SPRY4: variants seen among roughly 807,000 people sequenced by gnomAD.
SPRY4 encodes protein sprouty homolog 4.
Under a neutral mutation model 17.0 loss-of-function variants are expected in SPRY4, and 7 were observed. That is an observed-to-expected ratio of 0.41 (90% CI 0.23 to 0.77). The LOEUF is 0.77. Among genes scored for constraint, SPRY4 ranks in the 30% least tolerant of loss-of-function variants. The pLI is 0.32. For missense variants in SPRY4, 435 were observed against 419.9 expected (o/e 1.04, Z -0.31); for synonymous variants, 183 against 174.1 (o/e 1.05, Z -0.40).
chr5:142,310,533 C>A lies in SPRY4; in HGVS notation c.*3676G>T, dbSNP rs978235873. On this transcript the variant is annotated 3_prime_UTR_variant, in exon 2 of 2. Coordinates refer to ENST00000434127, the MANE Select transcript of SPRY4 (RefSeq NM_001127496.3). The stretch of plus-strand genomic sequence containing the variant: ...TTCTTCACAAACAGAAGAACTCTTA[C>A]AATAGTAGACTTTCTAAAATAAATA... 1 of 152,342 alleles carries A rather than the reference C, an allele frequency of 6.6e-6. No individual in the cohort carries two copies. Among genetic ancestry groups the A allele is most frequent in the African/African-American group, 2.4e-5 (1 of 41,318 alleles). 9.4% of individuals were successfully genotyped at this position (152,342 alleles called of 1,614,324 possible).
intron 1 of SPRY4, among the ~76,000 whole-genome samples, chr5:142,320,406 C>T (rs564947876): frequency 1.5e-4 from 22 of 150,686 alleles, no homozygotes; most frequent in Admixed American, 1.2e-3. Context: ...AAAAAAAAAA[C>T]GGTTGTTTTT....
In SPRY4 at chr5:142,314,156, G is replaced by A. The variant is rs1440246656; in HGVS notation, c.*53C>T. ...TGACCTTGCTGCAGTCTTCTTAGAT[G>A]TCAGAAGAGAACCAGGTTTCCAGGC... On this transcript the variant is annotated 3_prime_UTR_variant, in exon 2 of 2. Transcript: ENST00000434127. This position sits in a 1 kb window ranked among gnomAD's most constrained non-coding sequence, Gnocchi z 4.8. The A allele has an allele frequency of 1.4e-5, 22 of 1,536,770 alleles. No individual in the cohort carries two copies. The South Asian group carries it at 2.6e-4, about 18-fold the overall frequency.
Position 142,314,873 on chromosome 5 carries a change from G to T in SPRY4, c.236C>A (p.Ala79Asp). The change falls in exon 2 of 2, where the codon GCC becomes GAC. Residue 79 changes from alanine (A) to aspartate (D), a missense_variant. Coordinates refer to ENST00000434127, the MANE Select transcript of SPRY4 (RefSeq NM_001127496.3). The surrounding 1 kb of genome is among the most constrained non-coding windows in gnomAD (Gnocchi z 4.8). ...GGAPELAPTP[A>D]RCDQDVTHHW... ...GTGGGTGACATCCTGGTCACAGCGG[G>T]CGGGCGTCGGGGCCAGCTCTGGGGC... 1 of 1,596,822 alleles carries T rather than the reference G, an allele frequency of 6.3e-7. No individual in the cohort carries two copies. The highest frequency in any genetic ancestry group is 8.6e-7 in the Non-Finnish European group (1 of 1,169,430).
At position 142,311,101 on chromosome 5, in the gene SPRY4, T is replaced by C. The variant is rs1596857611; in HGVS notation, c.*3108A>G. ...CCACAAGGCTGAAAAGAACTAGCCA[T>C]GTCTTCCATCTCAGCTCTGAGGGGG... is the stretch of plus-strand genomic sequence containing the variant. On this transcript the variant is annotated 3_prime_UTR_variant, in exon 2 of 2. Transcript: ENST00000434127. The C allele has an allele frequency of 2.0e-5, 3 of 152,350 alleles. No homozygotes were observed. The highest frequency in any genetic ancestry group is 4.1e-4 in the South Asian group (2 of 4,828). The allele number at this position is 152,350 out of a possible 1,614,324, so 9.4% of individuals were successfully genotyped here.
rs1759093608 is a variant in SPRY4 at position 142,314,946 on chromosome 5, T to C, written c.163A>G (p.Asn55Asp). The C allele has an allele frequency of 1.2e-6, 2 of 1,613,968 alleles. No individual in the cohort carries two copies. Among genetic ancestry groups the C allele is most frequent in the Non-Finnish European group, 1.7e-6 (2 of 1,179,980 alleles). The change falls in exon 2 of 2, where the codon AAC (asparagine) becomes GAC (aspartate). Residue 55 changes from asparagine (N) to aspartate (D), a missense_variant. By Grantham distance (23) the Asn-to-Asp change is conservative. Transcript: ENST00000434127. This position sits in a 1 kb window ranked among gnomAD's most constrained non-coding sequence, Gnocchi z 4.8. ...CCGGTGGTCAGGGCCAGGCTAGGGT[T>C]GTCTATGTAGTCATTCTCCACATGG... is the stretch of plus-strand genomic sequence containing the variant. ...TSHVENDYID[N>D]PSLALTTGPK...
At position 142,314,511 on chromosome 5, in the gene SPRY4, T is replaced by TGC; in HGVS notation, c.596_597dup (p.Met200AlafsTer60). 1 of 1,614,168 alleles carries TGC rather than the reference T, an allele frequency of 6.2e-7. No individual in the cohort carries two copies. Among genetic ancestry groups the TGC allele is most frequent in the Non-Finnish European group, 8.5e-7 (1 of 1,180,026 alleles). ...TAGAAGATGCCCTGCACCAAACACA[T>TGC]GCACGTGCCATAGTTGACCAGAGTC... On this transcript the variant is annotated frameshift_variant, in exon 2 of 2. Transcript: ENST00000434127. LOFTEE classifies it high-confidence loss of function. This position sits in a 1 kb window ranked among gnomAD's most constrained non-coding sequence, Gnocchi z 4.8.
Position 142,313,961 on chromosome 5 carries a change from C to A in SPRY4, c.*248G>T, listed in dbSNP as rs1363753953. 4.9e-5 allele frequency: 26 copies of A among 530,584 alleles called. No homozygotes were observed. The highest frequency in any genetic ancestry group is 8.7e-5 in the Non-Finnish European group (26 of 298,798). The allele number at this position is 530,584 out of a possible 1,614,324, so 32.9% of individuals were successfully genotyped here. ...ATTTCCCCCCAAACCACACCCTGCCCCTGCATTGTCTGTTTGACACAAAGT... is the reference window on the plus strand; with the variant it reads ...ATTTCCCCCCAAACCACACCCTGCCACTGCATTGTCTGTTTGACACAAAGT... On this transcript the variant is annotated 3_prime_UTR_variant, in exon 2 of 2. Transcript: ENST00000434127.
Position 142,314,361 on chromosome 5 carries a change from A to T in SPRY4, c.748T>A (p.Cys250Ser). Residue 250 changes from cysteine (C) to serine (S), a missense_variant, in exon 2 of 2, where the codon TGC (cysteine) becomes AGC (serine). Cys to Ser is a moderately radical substitution (Grantham distance 112, BLOSUM62 -1). Coordinates refer to ENST00000434127, the MANE Select transcript of SPRY4 (RefSeq NM_001127496.3). This position sits in a 1 kb window ranked among gnomAD's most constrained non-coding sequence, Gnocchi z 4.8. ...ACGCAGCCGGTGGCAGGCAGGTAGC[A>T]GAGCAGGCAGGGCAGCACCACGGAG... ...ALSVVLPCLLCYLPATGCVKL... is the reference protein window; with the variant it reads ...ALSVVLPCLLSYLPATGCVKL... 1 of 1,614,078 alleles carries T rather than the reference A, an allele frequency of 6.2e-7. No homozygotes were observed. Among genetic ancestry groups the T allele is most frequent in the Non-Finnish European group, 8.5e-7 (1 of 1,179,984 alleles).
At position 142,314,016 on chromosome 5, in the gene SPRY4, GCTT is replaced by G. The variant is rs1267606126; in HGVS notation, c.*190_*192del. ...GGACCCTGAAAAAAAGCCCCAAAGTGCTTCTTCATCACCTTGGGGAATACAGGG... is the reference window on the plus strand; with the variant it reads ...GGACCCTGAAAAAAAGCCCCAAAGTGCTTCATCACCTTGGGGAATACAGGG... On this transcript the variant is annotated 3_prime_UTR_variant, in exon 2 of 2. Coordinates refer to ENST00000434127, the MANE Select transcript of SPRY4 (RefSeq NM_001127496.3). This position sits in a 1 kb window ranked among gnomAD's most constrained non-coding sequence, Gnocchi z 4.8. The G allele has an allele frequency of 1.3e-5, 8 of 622,458 alleles. No individual in the cohort carries two copies. The East Asian group carries it at 1.4e-4, about 11-fold the overall frequency. The allele number at this position is 622,458 out of a possible 1,614,324, so 38.6% of individuals were successfully genotyped here. A position where few individuals can be genotyped will look rare whatever the true frequency, so the allele number is the denominator to read the frequency against.
rs890253414 is a variant in SPRY4, at chr5:142,323,064, A to C, written c.-48+1780T>G. 3.9e-4 allele frequency among the ~76,000 whole-genome samples: 59 copies of C among 152,062 alleles called. 1 individual carries two copies. The highest frequency in any genetic ancestry group is 1.4e-3 in the African/African-American group (57 of 41,422). On this transcript the variant is annotated intron_variant, in intron 1 of 1. Coordinates refer to ENST00000434127, the MANE Select transcript of SPRY4 (RefSeq NM_001127496.3). Reference sequence around the variant, plus strand: ...CTAAAAAAAAAAAAAAAAAGGCTGAAAATTTCAGAGATGTTTATGCTCCAT... The same window carrying C: ...CTAAAAAAAAAAAAAAAAAGGCTGACAATTTCAGAGATGTTTATGCTCCAT...
Position 142,314,865 on chromosome 5 carries a change from C to T in SPRY4, c.244G>A (p.Asp82Asn), listed in dbSNP as rs568363732. The change falls in exon 2 of 2, where the codon GAC becomes AAC. Residue 82 changes from aspartate (D) to asparagine (N), a missense_variant. By Grantham distance (23) the Asp-to-Asn change is conservative. Transcript: ENST00000434127. The surrounding 1 kb of genome is among the most constrained non-coding windows in gnomAD (Gnocchi z 4.8). ...ATCCAATGGTGGGTGACATCCTGGT[C>T]ACAGCGGGCGGGCGTCGGGGCCAGC... ...PELAPTPARC[D>N]QDVTHHWISF... 221 of 1,592,908 alleles carry T rather than the reference C, an allele frequency of 1.4e-4. 1 individual carries two copies. Among genetic ancestry groups the T allele is most frequent in the Middle Eastern group, 1.7e-4 (1 of 5,952 alleles).
chr5:142,313,525 A>G lies in SPRY4; in HGVS notation c.*684T>C, dbSNP rs1342427836. On this transcript the variant is annotated 3_prime_UTR_variant, in exon 2 of 2. Transcript: ENST00000434127. Reference sequence around the variant, plus strand: ...TGATGCAGTTGGAAGGGAGAAGTGCACTGAGCAGTGGCTCCTAAATCCATC... The same window carrying G: ...TGATGCAGTTGGAAGGGAGAAGTGCGCTGAGCAGTGGCTCCTAAATCCATC... 1 of 152,040 alleles carries G rather than the reference A, an allele frequency of 6.6e-6. No individual in the cohort carries two copies. Among genetic ancestry groups the G allele is most frequent in the Non-Finnish European group, 1.5e-5 (1 of 68,052 alleles). 9.4% of individuals were successfully genotyped at this position (152,040 alleles called of 1,614,324 possible).
At chr5:142,321,170 A>G (rs538365324) in intron 1 of SPRY4, among the ~76,000 whole-genome samples, 7 of 151,716 alleles carry the variant, frequency 4.6e-5, no homozygotes, top group Non-Finnish European at 8.8e-5. Context: ...ATCACGCAAC[A>G]CCCCACACCT....
intron 1 of SPRY4, among the ~76,000 whole-genome samples, chr5:142,322,370 C>G (rs1271713610): frequency 6.6e-6 from 1 of 151,516 alleles, no homozygotes; most frequent in Non-Finnish European, 1.5e-5. Context: ...ACTTGGGAGG[C>G]TGAGGCAGGA....
At position 142,314,304 on chromosome 5, in the gene SPRY4, G is replaced by C; in HGVS notation, c.805C>G (p.Arg269Gly). Residue 269 changes from arginine to glycine, a missense_variant, in exon 2 of 2, where the codon CGC (arginine) becomes GGC (glycine). By Grantham distance (125) the Arg-to-Gly change is moderately radical. Coordinates refer to ENST00000434127, the MANE Select transcript of SPRY4 (RefSeq NM_001127496.3). This position sits in a 1 kb window ranked among gnomAD's most constrained non-coding sequence, Gnocchi z 4.8. Reference protein sequence around the residue: ...KLAQRGYDRLRRPGCRCKHTN... With the variant: ...KLAQRGYDRLGRPGCRCKHTN... ...TGCTTGCAGCGGCAACCAGGGCGGC[G>C]CAGACGGTCGTAGCCACGCTGGGCC... The C allele has an allele frequency of 6.2e-7, 1 of 1,613,854 alleles. No homozygotes were observed. The highest frequency in any genetic ancestry group is 8.5e-7 in the Non-Finnish European group (1 of 1,179,970).
At chr5:142,317,421 A>AC in intron 1 of SPRY4, 6 of 985,182 alleles carry the variant, frequency 6.1e-6, no homozygotes, top group Non-Finnish European at 7.2e-6. Context: ...CAGAACCCTC[A>AC]CCCCCGGACA....
At chr5:142,319,850 T>TACCACCCCCC in intron 1 of SPRY4, 1 of 1,535,530 alleles carries the variant, frequency 6.5e-7, no homozygotes, top group African/African-American at 1.4e-5. Flanking sequence ...GGATGCCTAA[T>TACCACCCCCC]CCCACCCACC....
Position 142,312,346 on chromosome 5 carries a change from C to T in SPRY4, c.*1863G>A, listed in dbSNP as rs73292473. On this transcript the variant is annotated 3_prime_UTR_variant, in exon 2 of 2. Transcript: ENST00000434127. ...TGCAATATTTCACATTCGCCTTTTA[C>T]AAGCTAGCAAATGTTACATAAATAA... 16,968 of 152,650 alleles carry T rather than the reference C, an allele frequency of 0.11. 1,739 individuals are homozygous for T. Among genetic ancestry groups the T allele is most frequent in the African/African-American group, 0.28 (11,544 of 41,490 alleles). The allele number at this position is 152,650 out of a possible 1,614,324, so 9.5% of individuals were successfully genotyped here. A position where few individuals can be genotyped will look rare whatever the true frequency, so the allele number is the denominator to read the frequency against.
Position 142,315,140 on chromosome 5 carries a change from C to T in SPRY4, c.-32G>A. The T allele has an allele frequency of 6.3e-7, 1 of 1,589,526 alleles. No individual in the cohort carries two copies. Among genetic ancestry groups the T allele is most frequent in the Non-Finnish European group, 8.5e-7 (1 of 1,170,874 alleles). ...GGAGGTCCTGGACTGTACGGAGAAACAGGCTTCTAGGGGCCCTGGGGGTGG... is the reference window on the plus strand; with the variant it reads ...GGAGGTCCTGGACTGTACGGAGAAATAGGCTTCTAGGGGCCCTGGGGGTGG... On this transcript the variant is annotated 5_prime_UTR_variant, in exon 2 of 2. Transcript: ENST00000434127.
Sources: gnomAD v4.1 joint callset for allele counts (sites outside exome capture counted in the v4.1 genomes callset) on GRCh38, gnomAD v4.1.1 for gene constraint, Gnocchi (gnomAD v3.1) non-coding constraint, MANE v1.5 for transcripts, NCBI Gene and HGNC (gene_info 2026-07-23, HGNC 2026-07-21) for gene names.